GAK: variants seen among roughly 807,000 people sequenced by gnomAD.
GAK encodes the protein cyclin G associated kinase.
In GAK, 79 loss-of-function variants were observed where a neutral mutation model predicts 143.9. The ratio of observed to expected loss-of-function variants is 0.55; its 90% CI spans 0.46 to 0.66. The LOEUF (loss-of-function observed/expected upper bound fraction) is 0.66. Ranked by LOEUF, GAK falls within the 30% of genes least tolerant of loss-of-function variation. The pLI, the probability that GAK is intolerant of heterozygous loss-of-function variation, is 0.00. For missense variants in GAK, 1,693 were observed against 1,779.7 expected (o/e 0.95, Z 0.88); for synonymous variants, 881 against 765.5 (o/e 1.15, Z -2.49).
intron 7 of GAK, 77 bp from the exon 8 acceptor site, chr4:894,086 G>A: frequency 6.9e-7 from 1 of 1,440,166 alleles, no homozygotes; most frequent in Non-Finnish European, 9.2e-7. Flanking sequence ...GGAGAGCAGG[G>A]GTGATGCCCA....
At chr4:918,068 T>C (rs987914525) in intron 1 of GAK, among the ~76,000 whole-genome samples, 3 of 152,182 alleles carry the variant, frequency 2.0e-5, no homozygotes, top group African/African-American at 7.2e-5. Context: ...CTCATTACCA[T>C]AGACACAAAA....
intron 1 of GAK, among the ~76,000 whole-genome samples, chr4:920,543 T>A (rs866793655): frequency 0.14 from 19,986 of 140,884 alleles, 1,760 homozygotes; most frequent in East Asian, 0.28. Flanking sequence ...AGAGCCATTT[T>A]TTTTTTTTTT....
intron 1 of GAK, among the ~76,000 whole-genome samples, chr4:925,854 G>C (rs1456437516): frequency 6.6e-6 from 1 of 152,324 alleles, no homozygotes; most frequent in South Asian, 2.1e-4. Flanking sequence ...CCCAGTGTAC[G>C]ACGTTCTGTT....
At chr4:864,401 C>CT (rs1425208709) in intron 23 of GAK, among the ~76,000 whole-genome samples, 2 of 152,130 alleles carry the variant, frequency 1.3e-5, no homozygotes, top group Non-Finnish European at 2.9e-5. Flanking sequence ...AAAAAACCCC[C>CT]TTAACTCTTA....
chr4:917,372 C>T (rs1723240934), intron 1 of GAK, among the ~76,000 whole-genome samples: 1 of 146,990 alleles, frequency 6.8e-6, no homozygotes, highest in African/African-American at 2.6e-5. Context: ...AGTCAGTGTA[C>T]AGAAAACTCC....
chr4:910,975 G>A (rs1181257273), intron 4 of GAK, among the ~76,000 whole-genome samples: 5 of 152,086 alleles, frequency 3.3e-5, no homozygotes, highest in East Asian at 1.9e-4. Flanking sequence ...CCAGGTCTCC[G>A]GCCAGTCAGC....
At chr4:885,982 A>T (rs1186302395) in intron 11 of GAK, 1 of 152,180 alleles carries the variant, frequency 6.6e-6, no homozygotes, top group Non-Finnish European at 1.5e-5. Context: ...TGTGTTGTCC[A>T]GGCTCGTCTC....
chr4:884,159 A>G (rs1238229366), intron 11 of GAK, 73 bp from the exon 12 acceptor site: 6 of 1,374,782 alleles, frequency 4.4e-6, no homozygotes, highest in Non-Finnish European at 6.2e-6. Flanking sequence ...CTTAAGCCAG[A>G]GCCCGAGGCC....
chr4:911,986 C>G, intron 3 of GAK, 199 bp from the exon 4 acceptor site: 1 of 518,950 alleles, frequency 1.9e-6, no homozygotes, highest in Non-Finnish European at 3.7e-6. Flanking sequence ...GGAGGAGCTG[C>G]AGGAGAGGGC....
intron 7 of GAK, 181 bp from the exon 8 acceptor site, chr4:894,190 A>G (rs1361530303): frequency 7.2e-6 from 4 of 557,046 alleles, no homozygotes; most frequent in East Asian, 4.4e-5. Flanking sequence ...TATCGGGAAC[A>G]TGGGAAATGC....
Position 898,014 on chromosome 4 carries a change from T to G in GAK, c.651+19A>C. The stretch of plus-strand genomic sequence containing the variant: ...TGGGAAGGGCCAGCTTCCCCCAGCA[T>G]AGGCCCCACTCAGCTCACCTCTTCC... On this transcript the variant is annotated intron_variant, in intron 6 of 27. Transcript: ENST00000314167. The G allele has an allele frequency of 6.2e-7, 1 of 1,605,958 alleles. No individual in the cohort carries two copies. Among genetic ancestry groups the G allele is most frequent in the Non-Finnish European group, 8.5e-7 (1 of 1,175,510 alleles).
intron 18 of GAK, among the ~76,000 whole-genome samples, chr4:871,384 C>T (rs1274984567): frequency 3.9e-5 from 6 of 152,208 alleles, no homozygotes; most frequent in Non-Finnish European, 7.3e-5. Flanking sequence ...TGCAGCCACC[C>T]GGCAGCTCAG....
At chr4:916,737 A>G (rs1368905320) in intron 1 of GAK, among the ~76,000 whole-genome samples, 1 of 152,208 alleles carries the variant, frequency 6.6e-6, no homozygotes, top group Non-Finnish European at 1.5e-5. Flanking sequence ...GCTTATGCAC[A>G]GCTTTTGGAA....
intron 1 of GAK, among the ~76,000 whole-genome samples, chr4:914,470 G>T (rs1377617871): frequency 1.6e-5 from 1 of 64,032 alleles, no homozygotes; most frequent in Non-Finnish European, 2.7e-5. Context: ...CAGTGTGCAC[G>T]GCCCCACACA....
chr4:913,536 GA>G, intron 2 of GAK, 70 bp downstream of exon 2: 10 of 1,202,012 alleles, frequency 8.3e-6, no homozygotes, highest in Non-Finnish European at 1.1e-5. Context: ...ACGCATCCCT[GA>G]AAAGACTGTC....
chr4:890,479 C>G, intron 10 of GAK, 53 bp downstream of exon 10: 1 of 1,394,194 alleles, frequency 7.2e-7, no homozygotes, highest in Non-Finnish European at 9.9e-7. Context: ...TGCGGGTGCC[C>G]GGGGTGCAGC....
intron 11 of GAK, chr4:888,611 T>A: frequency 2.0e-6 from 1 of 511,374 alleles, no homozygotes; most frequent in Non-Finnish European, 3.4e-6. Flanking sequence ...GGCCCAGGCA[T>A]CTCCTCAGCA....
At chr4:893,555 G>T in intron 8 of GAK, 66 bp from the exon 9 acceptor site, 1 of 1,210,328 alleles carries the variant, frequency 8.3e-7, no homozygotes, top group Non-Finnish European at 1.1e-6. Flanking sequence ...CCCTGCACTG[G>T]CAGAGGTCAC....
chr4:909,223 G>A (rs1017903749), intron 4 of GAK, among the ~76,000 whole-genome samples: 2 of 152,362 alleles, frequency 1.3e-5, no homozygotes, highest in East Asian at 1.9e-4. Flanking sequence ...CACCACGAGC[G>A]GGAGGCCCCA....
Sources: allele counts gnomAD v4.1 joint callset (sites outside exome capture counted in the v4.1 genomes callset), GRCh38; gene constraint gnomAD v4.1.1; transcripts MANE v1.5; gene names NCBI Gene and HGNC (gene_info 2026-07-23, HGNC 2026-07-21).